The following XRCC4 variants were observed in gnomAD, a reference collection of about 807,000 sequenced individuals.
XRCC4 encodes the protein X-ray repair cross complementing 4, also known as DNA repair protein XRCC4.
In XRCC4, 28 loss-of-function variants were observed where a neutral mutation model predicts 39.1. The ratio of observed to expected loss-of-function variants is 0.72; its 90% confidence interval spans 0.53 to 0.98. The LOEUF (loss-of-function observed/expected upper bound fraction) is 0.98, where lower values mean the gene tolerates loss of function less well. Ranked by LOEUF, XRCC4 falls within the 50% of genes least tolerant of loss-of-function variation. XRCC4 has a pLI of 0.00. For synonymous variants in XRCC4, 123 were observed against 126.4 expected, an observed-to-expected ratio of 0.97 and a Z score of 0.18; for missense variants, 350 against 376.4, an observed-to-expected ratio of 0.93 and a Z score of 0.58.
chr5:83,081,106 A>G (rs1744918658), intron 1 of XRCC4, among the ~76,000 whole-genome samples: 1 of 152,188 alleles, frequency 6.6e-6, no homozygotes, highest in Non-Finnish European at 1.5e-5. Context: ...CAGCCTCCTC[A>G]CGGGGCCTTG....
chr5:83,209,777 A>G (rs13161662), intron 6 of XRCC4, among the ~76,000 whole-genome samples: 52,536 of 151,956 alleles, frequency 0.35, 9,609 homozygotes, highest in Middle Eastern at 0.51. Flanking sequence ...AATTAAGAGC[A>G]TTACTAAAAT....
chr5:83,123,780 A>G (rs1481424654), intron 3 of XRCC4, among the ~76,000 whole-genome samples: 1 of 152,088 alleles, frequency 6.6e-6, no homozygotes. Context: ...ACTACTTCAC[A>G]GATATTATGG....
intron 3 of XRCC4, among the ~76,000 whole-genome samples, chr5:83,154,847 A>G (rs16900196): frequency 0.015 from 2,217 of 152,260 alleles, 62 homozygotes; most frequent in African/African-American, 0.051. Context: ...AGCTTCACAC[A>G]ACCTTCAAGT....
chr5:83,094,313 C>T (rs1233921967), intron 1 of XRCC4, among the ~76,000 whole-genome samples: 2 of 129,508 alleles, frequency 1.5e-5, no homozygotes, highest in African/African-American at 2.9e-5. Flanking sequence ...CTCCCCTTCC[C>T]TCCCCTCCCC....
intron 4 of XRCC4, chr5:83,201,169 G>A (rs1751175591): frequency 6.6e-6 from 1 of 152,114 alleles, no homozygotes; most frequent in Non-Finnish European, 1.5e-5. Flanking sequence ...TTCCTTATAA[G>A]ATGTCAATAT....
At chr5:83,267,842 G>A (rs959606164) in intron 7 of XRCC4, among the ~76,000 whole-genome samples, 6 of 152,142 alleles carry the variant, frequency 3.9e-5, no homozygotes, top group African/African-American at 1.2e-4. Flanking sequence ...TAAAACAAAC[G>A]CATGGAGAAA....
At chr5:83,134,736 A>G (rs1402775494) in intron 3 of XRCC4, among the ~76,000 whole-genome samples, 1 of 152,188 alleles carries the variant, frequency 6.6e-6, no homozygotes, top group African/African-American at 2.4e-5. Context: ...ATTCTTCGCA[A>G]TAAATCTTGC....
intron 7 of XRCC4, among the ~76,000 whole-genome samples, chr5:83,347,954 C>T (rs1056707112): frequency 3.9e-5 from 6 of 152,294 alleles, no homozygotes; most frequent in South Asian, 4.1e-4. Flanking sequence ...CATGCAAGTC[C>T]GAAAACCAGC....
At chr5:83,124,539 A>G (rs558316568) in intron 3 of XRCC4, among the ~76,000 whole-genome samples, 2 of 152,248 alleles carry the variant, frequency 1.3e-5, no homozygotes, top group African/African-American at 2.4e-5. Context: ...ACTGAAAAAA[A>G]CCTTTAGGTT....
chr5:83,102,834 C>G (rs1382397664), intron 1 of XRCC4, among the ~76,000 whole-genome samples: 3 of 151,704 alleles, frequency 2.0e-5, no homozygotes, highest in African/African-American at 7.3e-5. Flanking sequence ...ACTAGACTTT[C>G]ACATTCCTAC....
chr5:83,199,404 C>T (rs1751085474), intron 4 of XRCC4, among the ~76,000 whole-genome samples: 1 of 151,986 alleles, frequency 6.6e-6, no homozygotes, highest in African/African-American at 2.4e-5. Context: ...ATCTCTTTAC[C>T]ACTGCTTGCT....
intron 6 of XRCC4, among the ~76,000 whole-genome samples, chr5:83,257,693 A>G (rs1451279360): frequency 6.6e-6 from 1 of 152,214 alleles, no homozygotes; most frequent in Non-Finnish European, 1.5e-5. Context: ...CTGGGTATAT[A>G]CCCAAAGTAT....
At chr5:83,363,669 C>G in the XRCC4 span, among the ~76,000 whole-genome samples, 1 of 152,172 alleles carries the variant, frequency 6.6e-6, no homozygotes, top group Non-Finnish European at 1.5e-5. Flanking sequence ...TGCCCACAAC[C>G]AAGAGAGACT....
chr5:83,145,384 T>G (rs933892510), intron 3 of XRCC4, among the ~76,000 whole-genome samples: 2 of 152,206 alleles, frequency 1.3e-5, no homozygotes, highest in African/African-American at 4.8e-5. Context: ...AGAGAGGAGA[T>G]TCTCTTAGAC....
chr5:83,192,221 A>G (rs916607979), intron 3 of XRCC4, among the ~76,000 whole-genome samples: 1 of 142,292 alleles, frequency 7.0e-6, no homozygotes, highest in Admixed American at 7.1e-5. Context: ...ATATATGTAT[A>G]TGCATATATG....
At chr5:83,191,307 G>T (rs367912532) in intron 3 of XRCC4, among the ~76,000 whole-genome samples, 3 of 152,292 alleles carry the variant, frequency 2.0e-5, no homozygotes, top group African/African-American at 4.8e-5. Flanking sequence ...CAATTCCCGT[G>T]TGTCATGGGA....
At chr5:83,189,575 T>C (rs369462252) in intron 3 of XRCC4, among the ~76,000 whole-genome samples, 10 of 152,270 alleles carry the variant, frequency 6.6e-5, no homozygotes, top group Admixed American at 1.3e-4. Context: ...ATTTGGGCAA[T>C]AATATGTTGT....
At chr5:83,275,759 G>C (rs74581138) in intron 7 of XRCC4, among the ~76,000 whole-genome samples, 4,090 of 152,262 alleles carry the variant, frequency 0.027, 88 homozygotes, top group Non-Finnish European at 0.042. Flanking sequence ...AGCCTGAGTG[G>C]CTGTTTCTCT....
At chr5:83,293,897 T>A (rs947380876) in intron 7 of XRCC4, among the ~76,000 whole-genome samples, 3 of 152,088 alleles carry the variant, frequency 2.0e-5, no homozygotes, top group Non-Finnish European at 2.9e-5. Context: ...AAATTAAAAC[T>A]ATAAAAATAA....
Sources: gnomAD v4.1 joint callset for allele counts (sites outside exome capture counted in the v4.1 genomes callset) on GRCh38, gnomAD v4.1.1 for gene constraint, MANE v1.5 for transcripts, NCBI Gene and HGNC (gene_info 2026-07-23, HGNC 2026-07-21) for gene names.